Variants in GOLGA4 observed in about 807,000 individuals in gnomAD.
GOLGA4 encodes golgin subfamily A member 4.
A neutral mutation model predicts 265.9 loss-of-function variants in GOLGA4; 169 were observed. The observed-to-expected ratio is 0.64, with a 90% CI of 0.56 to 0.72. The LOEUF (loss-of-function observed/expected upper bound fraction) is 0.72. GOLGA4 is among the 30% of genes least tolerant of loss of function. The pLI is 0.00. For synonymous variants in GOLGA4, 923 were observed against 855.8 expected (o/e 1.08, Z -1.37); for missense variants, 2,482 against 2,483.4 (o/e 1.00, Z 0.01).
At chr3:37,276,291 A>G (rs1285161231) in intron 2 of GOLGA4, 14 of 1,589,478 alleles carry the variant, frequency 8.8e-6, no homozygotes, top group African/African-American at 1.3e-5. Flanking sequence ...AATCTTAAAG[A>G]TGCAAAAAAT....
chr3:37,295,048 G>A lies in GOLGA4; in HGVS notation c.652G>A (p.Asp218Asn), dbSNP rs1348352667. 1 of 1,603,448 alleles carries A rather than the reference G, an allele frequency of 6.2e-7. No individual in the cohort carries two copies. The stretch of plus-strand genomic sequence containing the variant: ...GTTTGATGCATCTTTAGAGGAGAAA[G>A]ATCAGTATATCAGTGTTCTCCAAAC... ...EEFDASLEEKDQYISVLQTQV... is the reference protein window; with the variant it reads ...EEFDASLEEKNQYISVLQTQV... The change falls in exon 6 of 24, where the codon GAT becomes AAT. Residue 218 changes from aspartate to asparagine, a missense_variant. Transcript: ENST00000361924.
intron 2 of GOLGA4, among the ~76,000 whole-genome samples, chr3:37,281,595 T>C (rs916220620): frequency 6.6e-6 from 1 of 152,226 alleles, no homozygotes; most frequent in African/African-American, 2.4e-5. Flanking sequence ...AGATGGTCAC[T>C]ACCTTCAAGG....
chr3:37,294,928 G>C (rs1431212911), intron 5 of GOLGA4, 51 bp from the exon 6 acceptor site: 5 of 1,236,770 alleles, frequency 4.0e-6, no homozygotes, highest in African/African-American at 1.5e-5. Context: ...TGAAAACTTT[G>C]TATTTTTTGT....
chr3:37,347,176 AT>A lies in GOLGA4; in HGVS notation c.6473-10del. 8 of 1,494,920 alleles carry A rather than the reference AT, an allele frequency of 5.4e-6. No homozygotes were observed. Among genetic ancestry groups the A allele is most frequent in the South Asian group, 1.1e-5 (1 of 88,016 alleles). The allele number at this position is 1,494,920 out of a possible 1,614,324, so 92.6% of individuals were successfully genotyped here. A position where few individuals can be genotyped will look rare whatever the true frequency, so the allele number is the denominator to read the frequency against. Reference sequence around the variant, plus strand: ...TGGTTTTGTCTTTACAGTTTGATCTATTTTTTTATTTGGCAGGTGGCAATTT... The same window carrying A: ...TGGTTTTGTCTTTACAGTTTGATCTATTTTTTATTTGGCAGGTGGCAATTT... On this transcript the variant is annotated splice_polypyrimidine_tract_variant and intron_variant, in intron 20 of 23. Transcript: ENST00000361924.
rs919811370 is a variant in GOLGA4 at position 37,313,168 on chromosome 3, A to T, written c.1235-2252A>T. On this transcript the variant is annotated intron_variant, in intron 10 of 23. Coordinates refer to ENST00000361924, the MANE Select transcript of GOLGA4 (RefSeq NM_002078.5). Reference sequence around the variant, plus strand: ...CAGGGAGGGGAGATCGCGCCACTGCACTCTAGCTTGGGTGACAGAATGAGA... The same window carrying T: ...CAGGGAGGGGAGATCGCGCCACTGCTCTCTAGCTTGGGTGACAGAATGAGA... Among the ~76,000 whole-genome samples, 3 of 152,036 alleles carry T rather than the reference A, an allele frequency of 2.0e-5. No homozygotes were observed. The East Asian group carries it at 5.8e-4, about 29-fold the overall frequency.
chr3:37,289,155 A>G, intron 4 of GOLGA4, 80 bp from the exon 5 acceptor site: 1 of 757,598 alleles, frequency 1.3e-6, no homozygotes, highest in Non-Finnish European at 2.2e-6. Flanking sequence ...TTTTAAAAAT[A>G]ATTATTTTTG....
intron 2 of GOLGA4, chr3:37,266,704 G>C (rs2096784696): frequency 3.1e-6 from 1 of 320,238 alleles, no homozygotes. Flanking sequence ...GGTGGTGGTG[G>C]TGGTGATGGT....
intron 1 of GOLGA4, among the ~76,000 whole-genome samples, chr3:37,244,798 C>T (rs995786519): frequency 6.6e-6 from 1 of 152,160 alleles, no homozygotes; most frequent in Non-Finnish European, 1.5e-5. Context: ...TTCTCAAGTG[C>T]AAATGGTAAT....
intron 5 of GOLGA4, among the ~76,000 whole-genome samples, chr3:37,289,815 C>CT (rs2096860214): frequency 6.6e-6 from 1 of 152,170 alleles, no homozygotes; most frequent in Admixed American, 6.5e-5. Flanking sequence ...TGGGGTTCTC[C>CT]TGCTGTCAGG....
At chr3:37,276,225 A>G (rs2096818088) in intron 2 of GOLGA4, 20 of 1,559,942 alleles carry the variant, frequency 1.3e-5, no homozygotes, top group Non-Finnish European at 1.8e-5. Context: ...GCTATATATC[A>G]AGAAATAAGG....
intron 22 of GOLGA4, among the ~76,000 whole-genome samples, chr3:37,360,245 T>C (rs2097100908): frequency 6.6e-6 from 1 of 152,228 alleles, no homozygotes; most frequent in African/African-American, 2.4e-5. Flanking sequence ...TTTCAATGGC[T>C]GATTGTATGA....
At position 37,327,257 on chromosome 3, in the gene GOLGA4, C is replaced by G. The variant is rs1457425451; in HGVS notation, c.5371C>G (p.Gln1791Glu). 1.2e-5 allele frequency: 19 copies of G among 1,613,424 alleles called. No individual in the cohort carries two copies. The highest frequency in any genetic ancestry group is 1.5e-5 in the Non-Finnish European group (18 of 1,179,634). Reference sequence around the variant, plus strand: ...TGCTGAGGCAAAGCAACATGAAGATCAAAGTATGATAGGTCATCTTCAAGA... The same window carrying G: ...TGCTGAGGCAAAGCAACATGAAGATGAAAGTATGATAGGTCATCTTCAAGA... ...EHAEAKQHEDQSMIGHLQEEL... is the reference protein window; with the variant it reads ...EHAEAKQHEDESMIGHLQEEL... The change falls in exon 14 of 24, where the codon CAA becomes GAA. Residue 1791 changes from glutamine to glutamate, a missense_variant. By Grantham distance (29) the Gln-to-Glu change is conservative. This residue lies in a region of GOLGA4 where 942 missense variants were observed against 983.1 expected (regional missense o/e 0.96). Transcript: ENST00000361924.
intron 16 of GOLGA4, among the ~76,000 whole-genome samples, chr3:37,331,572 GTATGTAT>G: frequency 6.6e-6 from 1 of 152,284 alleles, no homozygotes; most frequent in Non-Finnish European, 1.5e-5. Flanking sequence ...TATGGGATTT[GTATGTAT>G]TATGTAGTAG....
chr3:37,344,162 C>T (rs1318349359), intron 20 of GOLGA4, among the ~76,000 whole-genome samples: 8 of 152,202 alleles, frequency 5.3e-5, no homozygotes, highest in Non-Finnish European at 1.2e-4. Flanking sequence ...AGTGTAGTGG[C>T]GTAGCCTTGG....
chr3:37,365,347 C>G (rs903713460), intron 23 of GOLGA4, among the ~76,000 whole-genome samples: 1 of 152,160 alleles, frequency 6.6e-6, no homozygotes, highest in Non-Finnish European at 1.5e-5. Flanking sequence ...CGGCTTACTG[C>G]AACCTCCGCC....
chr3:37,270,672 A>G (rs1262341084), intron 2 of GOLGA4, among the ~76,000 whole-genome samples: 1 of 152,004 alleles, frequency 6.6e-6, no homozygotes, highest in Non-Finnish European at 1.5e-5. Flanking sequence ...CAGTATATTA[A>G]CTGGCCAAGA....
At chr3:37,275,904 A>C in intron 2 of GOLGA4, 1 of 1,613,796 alleles carries the variant, frequency 6.2e-7, no homozygotes, top group Non-Finnish European at 8.5e-7. Context: ...TCTCTCATCA[A>C]ATCCTGGAAA....
At chr3:37,252,266 T>G (rs1015871985) in intron 2 of GOLGA4, among the ~76,000 whole-genome samples, 2 of 151,742 alleles carry the variant, frequency 1.3e-5, no homozygotes, top group Non-Finnish European at 2.9e-5. Context: ...CGTGCTCCCT[T>G]TCCCCCTGAA....
chr3:37,282,562 C>T (rs910374643), intron 3 of GOLGA4, among the ~76,000 whole-genome samples: 7 of 152,192 alleles, frequency 4.6e-5, no homozygotes, highest in African/African-American at 1.7e-4. Context: ...TCCCTCTGTT[C>T]AAGGTCACTT....
Sources: gnomAD v4.1 joint callset for allele counts (sites outside exome capture counted in the v4.1 genomes callset) on GRCh38, gnomAD v4.1.1 for gene constraint, gnomAD v4.1.1 regional missense constraint, MANE v1.5 for transcripts, NCBI Gene and HGNC (gene_info 2026-07-23, HGNC 2026-07-21) for gene names.